Variants in TRAPPC12 observed in about 807,000 individuals in gnomAD.
The protein encoded by TRAPPC12 is TPR repeat protein 15.
TRAPPC12 carries 61 observed loss-of-function variants against 69.2 expected under a neutral mutation model. That is an observed-to-expected ratio of 0.88 (90% CI 0.72 to 1.09). The LOEUF (loss-of-function observed/expected upper bound fraction) is 1.09. TRAPPC12 is among the 50% of genes least tolerant of loss of function. TRAPPC12 has a pLI of 0.00. For missense variants in TRAPPC12, 1,101 were observed against 1,016.4 expected (o/e 1.08, Z -1.13); for synonymous variants, 469 against 438.9 (o/e 1.07, Z -0.86).
At chr2:3,413,752 G>A (rs1402442129) in intron 3 of TRAPPC12, among the ~76,000 whole-genome samples, 1 of 152,170 alleles carries the variant, frequency 6.6e-6, no homozygotes, top group Non-Finnish European at 1.5e-5. Flanking sequence ...ACAGGGATGA[G>A]GTGGTAGATG....
chr2:3,438,395 CT>C, intron 5 of TRAPPC12, among the ~76,000 whole-genome samples: 1 of 144,648 alleles, frequency 6.9e-6, no homozygotes, highest in African/African-American at 2.6e-5. Context: ...CCCATCACCC[CT>C]GGATTAATCC....
At chr2:3,402,248 G>T (rs952390117) in intron 3 of TRAPPC12, among the ~76,000 whole-genome samples, 1 of 152,120 alleles carries the variant, frequency 6.6e-6, no homozygotes, top group African/African-American at 2.4e-5. Flanking sequence ...TATTGAATGG[G>T]TGAATTTCTG....
chr2:3,444,108 G>T (rs1266003625), intron 6 of TRAPPC12, among the ~76,000 whole-genome samples: 1 of 152,204 alleles, frequency 6.6e-6, no homozygotes, highest in African/African-American at 2.4e-5. Context: ...CAGAGCTTGA[G>T]TCCTGTAATT....
chr2:3,423,610 G>T (rs1379140114), intron 4 of TRAPPC12, among the ~76,000 whole-genome samples: 1 of 149,690 alleles, frequency 6.7e-6, no homozygotes, highest in Non-Finnish European at 1.5e-5. Context: ...GTCTTTCTGT[G>T]CCTGGCTTGT....
Position 3,479,342 on chromosome 2 carries a change from C to G in TRAPPC12, c.2089C>G (p.Leu697Val), listed in dbSNP as rs565404134. 3 of 1,614,238 alleles carry G rather than the reference C, an allele frequency of 1.9e-6. No individual in the cohort carries two copies. The Admixed American group carries it at 5.0e-5, about 27-fold the overall frequency. ...HYLHESVLFNLTTMYELESSR... is the reference protein window; with the variant it reads ...HYLHESVLFNVTTMYELESSR... The stretch of plus-strand genomic sequence containing the variant: ...CCTGCACGAGAGCGTGCTCTTCAAC[C>G]TGACCACCATGTACGAGCTGGAGTC... Residue 697 changes from leucine (L) to valine (V), a missense_variant, in exon 12 of 12, where the codon CTG becomes GTG. Coordinates refer to ENST00000324266, the MANE Select transcript of TRAPPC12 (RefSeq NM_016030.6).
chr2:3,457,315 G>A, intron 6 of TRAPPC12: 2 of 451,616 alleles, frequency 4.4e-6, no homozygotes, highest in Non-Finnish European at 8.4e-6. Flanking sequence ...GGGAGGAAGA[G>A]CTGAAAAATG....
intron 8 of TRAPPC12, among the ~76,000 whole-genome samples, chr2:3,462,391 C>T (rs1432383681): frequency 6.6e-6 from 1 of 152,052 alleles, no homozygotes; most frequent in Non-Finnish European, 1.5e-5. Context: ...AAAAATGTTG[C>T]AATTAAAGCC....
intron 3 of TRAPPC12, among the ~76,000 whole-genome samples, chr2:3,409,485 T>C (rs954998011): frequency 1.3e-5 from 2 of 152,164 alleles, no homozygotes; most frequent in Admixed American, 1.3e-4. Context: ...CAATGGCTCA[T>C]GCCTGCAATC....
At chr2:3,390,958 T>A (rs1335730761) in intron 2 of TRAPPC12, among the ~76,000 whole-genome samples, 2 of 152,224 alleles carry the variant, frequency 1.3e-5, no homozygotes, top group Non-Finnish European at 2.9e-5. Flanking sequence ...TTGTAAAATC[T>A]ATTTTTAAAA....
intron 1 of TRAPPC12, among the ~76,000 whole-genome samples, chr2:3,385,205 C>T (rs903076474): frequency 2.0e-5 from 3 of 151,828 alleles, no homozygotes; most frequent in African/African-American, 7.3e-5. Flanking sequence ...AGAGAAGAAA[C>T]CCTCAGATCC....
intron 7 of TRAPPC12, chr2:3,457,973 G>T: frequency 7.7e-7 from 1 of 1,306,700 alleles, no homozygotes; most frequent in African/African-American, 1.5e-5. Flanking sequence ...ACGCTGAGTG[G>T]TCTGAGTGGG....
Position 3,388,036 on chromosome 2 carries a change from A to G in TRAPPC12, c.413A>G (p.Glu138Gly). 6.7e-7 allele frequency: 1 copy of G among 1,484,748 alleles called. No homozygotes were observed. The highest frequency in any genetic ancestry group is 8.9e-7 in the Non-Finnish European group (1 of 1,123,888). 92.0% of individuals were successfully genotyped at this position (1,484,748 alleles called of 1,614,324 possible). ...GGAPRQDAAR[E>G]VPGSEAARPE... is the part of the protein sequence containing the mutation. ...GCCCCGAGGCAGGACGCGGCCCGCG[A>G]GGTCCCAGGCAGCGAAGCCGCGCGC... The change falls in exon 2 of 12, where the codon GAG becomes GGG. Residue 138 changes from glutamate (E) to glycine (G), a missense_variant. By Grantham distance (98) the Glu-to-Gly change is moderately conservative (BLOSUM62 -2). Transcript: ENST00000324266.
chr2:3,388,097 G>T lies in TRAPPC12; in HGVS notation c.474G>T (p.Pro158=). 1 of 1,555,290 alleles carries T rather than the reference G, an allele frequency of 6.4e-7. No individual in the cohort carries two copies. Among genetic ancestry groups the T allele is most frequent in the East Asian group, 2.4e-5 (1 of 41,458 alleles). Residue 158 remains proline, a synonymous_variant, in exon 2 of 12, where the codon CCG becomes CCT. Transcript: ENST00000324266. ...EQEPPVAEPV[P]VCTIFSQRAP... is the part of the protein sequence containing the mutation. ...AGCCTCCCGTTGCGGAGCCGGTCCCGGTGTGCACCATCTTCAGCCAGCGCG... is the reference window on the plus strand; with the variant it reads ...AGCCTCCCGTTGCGGAGCCGGTCCCTGTGTGCACCATCTTCAGCCAGCGCG...
intron 1 of TRAPPC12, among the ~76,000 whole-genome samples, chr2:3,384,649 CA>C (rs1314788833): frequency 2.0e-5 from 3 of 152,188 alleles, no homozygotes; most frequent in Non-Finnish European, 4.4e-5. Flanking sequence ...AAAATAAATA[CA>C]TTGCTGATTC....
intron 9 of TRAPPC12, among the ~76,000 whole-genome samples, chr2:3,468,822 C>T (rs951068749): frequency 2.6e-5 from 4 of 152,222 alleles, no homozygotes; most frequent in African/African-American, 7.2e-5. Context: ...AGAGCTCCTG[C>T]TGGCGCACCC....
intron 9 of TRAPPC12, among the ~76,000 whole-genome samples, chr2:3,468,321 A>G (rs1401777267): frequency 6.6e-6 from 1 of 151,974 alleles, no homozygotes; most frequent in African/African-American, 2.4e-5. Flanking sequence ...ATAAAAGCAC[A>G]GGGCTCAGGA....
rs1010415411 is a variant in TRAPPC12 at position 3,379,771 on chromosome 2, G to C, written c.-110G>C. 6.6e-6 allele frequency: 1 copy of C among 152,186 alleles called. No individual in the cohort carries two copies. The highest frequency in any genetic ancestry group is 6.5e-5 in the Admixed American group (1 of 15,274). 9.4% of individuals were successfully genotyped at this position (152,186 alleles called of 1,614,324 possible). Reference sequence around the variant, plus strand: ...CACGCGCAGGCGTACAGAGCTCCCCGGGGGTGCCAGTTCCTCTCCGATTCC... The same window carrying C: ...CACGCGCAGGCGTACAGAGCTCCCCCGGGGTGCCAGTTCCTCTCCGATTCC... On this transcript the variant is annotated 5_prime_UTR_variant, in exon 1 of 12. Coordinates refer to ENST00000324266, the MANE Select transcript of TRAPPC12 (RefSeq NM_016030.6).
intron 6 of TRAPPC12, among the ~76,000 whole-genome samples, chr2:3,451,226 C>T (rs1274584766): frequency 6.6e-6 from 1 of 152,242 alleles, no homozygotes; most frequent in African/African-American, 2.4e-5. Context: ...ATACTGTGGG[C>T]AGGTGTTGAT....
At chr2:3,383,587 A>G (rs960905820) in intron 1 of TRAPPC12, among the ~76,000 whole-genome samples, 2 of 151,586 alleles carry the variant, frequency 1.3e-5, no homozygotes, top group Non-Finnish European at 2.9e-5. Context: ...TTGTATTTTT[A>G]GTAGAGACGG....
Sources: gnomAD v4.1 joint callset for allele counts (sites outside exome capture counted in the v4.1 genomes callset) on GRCh38, gnomAD v4.1.1 for gene constraint, MANE v1.5 for transcripts, NCBI Gene and HGNC (gene_info 2026-07-23, HGNC 2026-07-21) for gene names.